ASPH: variants seen among roughly 807,000 people sequenced by gnomAD.
The protein encoded by ASPH is aspartate beta-hydroxylase.
ASPH carries 100 observed loss-of-function variants against 118.4 expected under a neutral mutation model. The observed-to-expected ratio is 0.84, with a 90% confidence interval of 0.72 to 1.00. The LOEUF is 1.00. ASPH is among the 50% of genes least tolerant of loss of function. ASPH has a pLI of 0.00. For synonymous variants in ASPH, 315 were observed against 325.6 expected, an observed-to-expected ratio of 0.97 and a Z score of 0.35; for missense variants, 920 against 919.5, an observed-to-expected ratio of 1.00 and a Z score of -0.01.
intron 2 of ASPH, among the ~76,000 whole-genome samples, chr8:61,681,339 T>C (rs993539963): frequency 2.0e-5 from 3 of 151,820 alleles, no homozygotes; most frequent in African/African-American, 7.2e-5. Flanking sequence ...TTTATTATAC[T>C]GCTAAAAATA....
At chr8:61,614,990 T>C (rs1393877439) in intron 14 of ASPH, among the ~76,000 whole-genome samples, 1 of 152,176 alleles carries the variant, frequency 6.6e-6, no homozygotes, top group Non-Finnish European at 1.5e-5. Context: ...TGCACCCCTA[T>C]GGCCAGAATG....
At chr8:61,678,666 T>C (rs553237274) in intron 3 of ASPH, among the ~76,000 whole-genome samples, 2 of 152,216 alleles carry the variant, frequency 1.3e-5, no homozygotes, top group South Asian at 2.1e-4. Context: ...ATGAAATAAA[T>C]GCAAAATCCT....
chr8:61,630,244 GAACT>G (rs1854961321), intron 13 of ASPH, among the ~76,000 whole-genome samples: 1 of 152,106 alleles, frequency 6.6e-6, no homozygotes, highest in Non-Finnish European at 1.5e-5. Context: ...AAGAAAAAGT[GAACT>G]AATATTCAGC....
At chr8:61,550,442 TACAC>T (rs34577657) in intron 20 of ASPH, among the ~76,000 whole-genome samples, 59 of 147,646 alleles carry the variant, frequency 4.0e-4, no homozygotes, top group Middle Eastern at 3.5e-3. Context: ...CACATGTACA[TACAC>T]ACACACACAC....
At chr8:61,689,556 A>T in intron 1 of ASPH, 1 of 958,820 alleles carries the variant, frequency 1.0e-6, no homozygotes, top group Non-Finnish European at 1.6e-6. Context: ...TAGAAAATGT[A>T]GACAGTACAG....
intron 21 of ASPH, among the ~76,000 whole-genome samples, chr8:61,538,646 T>A (rs1820539654): frequency 2.0e-5 from 3 of 152,220 alleles, no homozygotes; most frequent in Admixed American, 1.3e-4. Flanking sequence ...ATGGATTTCT[T>A]AATTAATAAA....
intron 7 of ASPH, 126 bp from the exon 8 acceptor site, chr8:61,644,127 C>A: frequency 1.3e-6 from 1 of 745,658 alleles, no homozygotes; most frequent in South Asian, 1.7e-5. Context: ...GATATTCAAA[C>A]ATGTTCACTC....
chr8:61,574,414 C>T (rs1042640273), intron 16 of ASPH, among the ~76,000 whole-genome samples: 13 of 152,170 alleles, frequency 8.5e-5, no homozygotes, highest in Admixed American at 7.2e-4. Context: ...TTTATTGTGG[C>T]ACCATTCACA....
chr8:61,654,266 T>C (rs1266529062), intron 3 of ASPH, among the ~76,000 whole-genome samples: 1 of 152,238 alleles, frequency 6.6e-6, no homozygotes, highest in Non-Finnish European at 1.5e-5. Context: ...TATGTTAACA[T>C]GAAACTGATT....
intron 17 of ASPH, among the ~76,000 whole-genome samples, chr8:61,565,568 G>A (rs1287586790): frequency 2.0e-5 from 3 of 152,312 alleles, no homozygotes; most frequent in South Asian, 2.1e-4. Flanking sequence ...GTAAGATGAA[G>A]TAGCAAGTGC....
intron 14 of ASPH, among the ~76,000 whole-genome samples, chr8:61,617,991 G>A (rs959244525): frequency 1.3e-4 from 19 of 151,436 alleles, no homozygotes; most frequent in African/African-American, 4.4e-4. Flanking sequence ...AAAGTTAGGA[G>A]TGAGACTTGG....
chr8:61,503,587 C>A (rs542643273), intron 24 of ASPH, 78 bp from the exon 25 acceptor site: 5 of 1,375,668 alleles, frequency 3.6e-6, no homozygotes, highest in Admixed American at 4.4e-5. Context: ...TGTCCATGTG[C>A]GAGAACTACC....
At chr8:61,633,481 C>T in intron 13 of ASPH, 1 of 381,470 alleles carries the variant, frequency 2.6e-6, no homozygotes, top group Non-Finnish European at 4.8e-6. Context: ...TCTAGCTCAG[C>T]AGATATGTAC....
intron 3 of ASPH, chr8:61,659,534 GA>G (rs1815645760): frequency 6.6e-6 from 1 of 152,072 alleles, no homozygotes; most frequent in African/African-American, 2.4e-5. Flanking sequence ...TGAGAACAAA[GA>G]AAAAAGAAAT....
rs200975482 is a variant in ASPH at position 61,507,188 on chromosome 8, CA to C, written c.2127-3680del. ...TTAGCACCGGAACACGCTGGTCACT[CA>C]TGGAACATCAGTGCATATAAAAGTA... On this transcript the variant is annotated intron_variant, in intron 24 of 24. Transcript: ENST00000379454. Among the ~76,000 whole-genome samples, 618 of 152,314 alleles carry C rather than the reference CA, an allele frequency of 4.1e-3. 4 individuals are homozygous for C. The highest frequency in any genetic ancestry group is 0.013 in the African/African-American group (559 of 41,568).
intron 11 of ASPH, 101 bp from the exon 12 acceptor site, chr8:61,638,104 C>A (rs2150885501): frequency 7.8e-7 from 1 of 1,276,330 alleles, no homozygotes; most frequent in East Asian, 2.5e-5. Flanking sequence ...AACTCGTGTC[C>A]ACTCAGATTG....
At position 61,693,564 on chromosome 8, in the gene ASPH, A is replaced by G. The variant is rs555610818; in HGVS notation, c.104-9376T>C. 9.2e-5 allele frequency among the ~76,000 whole-genome samples: 14 copies of G among 152,298 alleles called. No homozygotes were observed. In the South Asian group the frequency reaches 2.7e-3, roughly 29 times the overall value. On this transcript the variant is annotated intron_variant, in intron 1 of 24. Coordinates refer to ENST00000379454, the MANE Select transcript of ASPH (RefSeq NM_004318.4). ...TAACAAAATGCAACTCTGCAGACAC[A>G]AGTCAAACCTGCTTAGACAGACTCC...
intron 22 of ASPH, among the ~76,000 whole-genome samples, chr8:61,523,184 G>A (rs773711375): frequency 7.9e-5 from 12 of 151,990 alleles, no homozygotes; most frequent in Middle Eastern, 6.8e-3. Flanking sequence ...TCCCTATGAC[G>A]TCCGCCCCTG....
intron 13 of ASPH, among the ~76,000 whole-genome samples, chr8:61,619,352 G>A (rs942515541): frequency 2.6e-5 from 4 of 152,134 alleles, no homozygotes; most frequent in African/African-American, 9.7e-5. Flanking sequence ...TGTGGATGGG[G>A]AGAAGCCATC....
Sources: gnomAD v4.1 joint callset for allele counts (sites outside exome capture counted in the v4.1 genomes callset) on GRCh38, gnomAD v4.1.1 for gene constraint, MANE v1.5 for transcripts, NCBI Gene and HGNC (gene_info 2026-07-23, HGNC 2026-07-21) for gene names.